The following VWA8 variants were observed in gnomAD, a reference collection of about 807,000 sequenced individuals.
The protein encoded by VWA8 is von Willebrand factor A domain containing 8.
Under a neutral mutation model 241.5 loss-of-function variants are expected in VWA8, and 221 were observed. That is an observed-to-expected ratio of 0.91 (90% CI 0.82 to 1.02). The LOEUF is 1.02. VWA8 is among the 50% of genes least tolerant of loss of function. The probability of loss-of-function intolerance (pLI) is 0.00; values close to 1 mark genes in which losing one functional copy is unlikely to be tolerated. For missense variants in VWA8, 2,322 were observed against 2,328.7 expected (o/e 1.00, Z 0.06); for synonymous variants, 852 against 827.1 (o/e 1.03, Z -0.52).
intron 17 of VWA8, among the ~76,000 whole-genome samples, chr13:41,807,078 C>T (rs57166850): frequency 0.076 from 11,476 of 151,702 alleles, 594 homozygotes; most frequent in African/African-American, 0.15. Context: ...GCCAACACAT[C>T]GGAACACCAA....
chr13:41,781,723 T>G (rs1868894814), intron 19 of VWA8, among the ~76,000 whole-genome samples: 1 of 152,226 alleles, frequency 6.6e-6, no homozygotes, highest in Non-Finnish European at 1.5e-5. Context: ...GAAGGCTTAA[T>G]GAAGTAATAC....
At chr13:41,764,045 C>T (rs538853445) in intron 20 of VWA8, among the ~76,000 whole-genome samples, 16 of 152,248 alleles carry the variant, frequency 1.1e-4, no homozygotes, top group African/African-American at 3.9e-4. Context: ...AAGCTTCATT[C>T]GATATCCCCT....
At chr13:41,575,859 A>AAGTT (rs780449175) in intron 42 of VWA8, 21 bp from the exon 43 acceptor site, 2 of 1,569,292 alleles carry the variant, frequency 1.3e-6, no homozygotes, top group African/African-American at 1.4e-5. Context: ...GAGAACCAGA[A>AAGTT]AGTTATAAAC....
At chr13:41,605,137 T>A in intron 40 of VWA8, 31 bp downstream of exon 40, 2 of 1,604,836 alleles carry the variant, frequency 1.2e-6, no homozygotes, top group Non-Finnish European at 1.7e-6. Flanking sequence ...TGGGCCCAGG[T>A]TATTTTCTTG....
chr13:41,834,243 A>G (rs186843056), intron 12 of VWA8, among the ~76,000 whole-genome samples: 9 of 152,348 alleles, frequency 5.9e-5, no homozygotes, highest in African/African-American at 2.2e-4. Context: ...TATCTACTGT[A>G]AAAAACTGGA....
intron 13 of VWA8, 131 bp downstream of exon 13, chr13:41,833,240 T>C (rs1274912415): frequency 6.5e-6 from 7 of 1,070,634 alleles, no homozygotes; most frequent in Non-Finnish European, 7.3e-6. Flanking sequence ...CTACTTGGTA[T>C]AGAATCATGA....
At chr13:41,609,864 C>T (rs762362203) in intron 39 of VWA8, among the ~76,000 whole-genome samples, 21 of 152,140 alleles carry the variant, frequency 1.4e-4, no homozygotes, top group Admixed American at 1.0e-3. Context: ...TCATCCCTTC[C>T]CCATGTCCTC....
intron 37 of VWA8, among the ~76,000 whole-genome samples, chr13:41,616,990 G>T (rs746966645): frequency 6.6e-6 from 1 of 152,100 alleles, no homozygotes; most frequent in Non-Finnish European, 1.5e-5. Flanking sequence ...GAGTCTGGGC[G>T]CAGTGGCTCA....
At position 41,875,239 on chromosome 13, in the gene VWA8, C is replaced by T. The variant is rs189311799; in HGVS notation, c.1081-6762G>A. Among the ~76,000 whole-genome samples the T allele has an allele frequency of 1.1e-4, 16 of 152,204 alleles. No individual in the cohort carries two copies. In the East Asian group the frequency reaches 3.1e-3, roughly 29 times the overall value. The stretch of plus-strand genomic sequence containing the variant: ...GAAGACTTACTATGTCATATTATGG[C>T]AGCTTCATCATTCCAGTTCCTGAGT... On this transcript the variant is annotated intron_variant, in intron 9 of 44. Coordinates refer to ENST00000379310, the MANE Select transcript of VWA8 (RefSeq NM_015058.2).
At chr13:41,832,167 G>C (rs1871498222) in intron 13 of VWA8, among the ~76,000 whole-genome samples, 1 of 152,122 alleles carries the variant, frequency 6.6e-6, no homozygotes, top group African/African-American at 2.4e-5. Flanking sequence ...TTGACCTCGT[G>C]ATCTGCCCAC....
intron 34 of VWA8, among the ~76,000 whole-genome samples, chr13:41,688,602 C>T (rs928973979): frequency 6.6e-6 from 1 of 152,062 alleles, no homozygotes; most frequent in South Asian, 2.1e-4. Context: ...TATACTATAA[C>T]CTGGATGCTG....
chr13:41,827,473 T>TG (rs1871228332), intron 14 of VWA8, among the ~76,000 whole-genome samples: 1 of 152,182 alleles, frequency 6.6e-6, no homozygotes, highest in Non-Finnish European at 1.5e-5. Flanking sequence ...TAGTAGCCTC[T>TG]GGGGAGTAAG....
chr13:41,883,470 T>C lies in VWA8; in HGVS notation c.997A>G (p.Ile333Val), dbSNP rs201505982. The part of the protein sequence containing the change: ...QILDSFPMMP[I>V]KHAIQWLYPY... The stretch of plus-strand genomic sequence containing the variant: ...TAAAGCCACTGGATTGCATGTTTGA[T>C]TGGCATCATAGGAAAGGAATCCTAT... The change falls in exon 9 of 45, where the codon ATC becomes GTC. Residue 333 changes from isoleucine (I) to valine (V), a missense_variant. Coordinates refer to ENST00000379310, the MANE Select transcript of VWA8 (RefSeq NM_015058.2). The C allele has an allele frequency of 4.8e-5, 78 of 1,613,388 alleles. No individual in the cohort carries two copies. The East Asian group carries it at 1.7e-3, about 36-fold the overall frequency.
intron 39 of VWA8, among the ~76,000 whole-genome samples, chr13:41,608,142 G>A (rs971587018): frequency 6.5e-4 from 99 of 152,276 alleles, no homozygotes; most frequent in African/African-American, 2.3e-3. Context: ...AGAGTGATCA[G>A]AATTAGCTTC....
At chr13:41,909,976 A>T (rs1488726811) in intron 3 of VWA8, among the ~76,000 whole-genome samples, 3 of 152,218 alleles carry the variant, frequency 2.0e-5, no homozygotes, top group South Asian at 4.1e-4. Flanking sequence ...CACTATACAT[A>T]GGCTGTTATT....
intron 14 of VWA8, among the ~76,000 whole-genome samples, chr13:41,822,515 C>T (rs781271405): frequency 2.0e-5 from 3 of 152,236 alleles, no homozygotes; most frequent in African/African-American, 2.4e-5. Context: ...AAAGCAGACG[C>T]TAAATAAGTA....
intron 17 of VWA8, among the ~76,000 whole-genome samples, chr13:41,791,363 T>G (rs1244892378): frequency 6.6e-6 from 1 of 151,948 alleles, no homozygotes; most frequent in Non-Finnish European, 1.5e-5. Flanking sequence ...TAGTCAACTA[T>G]TTGATTCAGT....
intron 2 of VWA8, among the ~76,000 whole-genome samples, chr13:41,928,482 A>G (rs528416604): frequency 1.1e-4 from 16 of 152,304 alleles, no homozygotes; most frequent in African/African-American, 3.4e-4. Context: ...AAATGAAACA[A>G]CATGCTCTTG....
intron 9 of VWA8, among the ~76,000 whole-genome samples, chr13:41,880,614 GT>G (rs1203015468): frequency 6.6e-6 from 1 of 152,138 alleles, no homozygotes. Flanking sequence ...ACATTTCTAT[GT>G]TTTTCCCTGT....
Sources: allele counts gnomAD v4.1 joint callset (sites outside exome capture counted in the v4.1 genomes callset), GRCh38; gene constraint gnomAD v4.1.1; transcripts MANE v1.5; gene names NCBI Gene and HGNC (gene_info 2026-07-23, HGNC 2026-07-21).